ZNF7: variants seen among roughly 807,000 people sequenced by gnomAD.
ZNF7 encodes C2-H2 type zinc finger protein.
Under a neutral mutation model 12.0 loss-of-function variants are expected in ZNF7, and 10 were observed. That is an observed-to-expected ratio of 0.83 (90% CI 0.51 to 1.42). The LOEUF (loss-of-function observed/expected upper bound fraction) is 1.42. ZNF7 is among the 40% of genes most tolerant of loss of function. The pLI, the probability that ZNF7 is intolerant of heterozygous loss-of-function variation, is 0.00. For missense variants in ZNF7, 854 were observed against 837.2 expected (o/e 1.02, Z -0.25); for synonymous variants, 334 against 295.0 (o/e 1.13, Z -1.35).
chr8:144,847,353 G>C (rs1289816021), downstream of ZNF7: 1 of 152,202 alleles, frequency 6.6e-6, no homozygotes, highest in Admixed American at 6.5e-5. Flanking sequence ...GCCAAGGAAG[G>C]ATCACGTGAC....
At position 144,843,251 on chromosome 8, in the gene ZNF7, C is replaced by G. The variant is rs1039470223; in HGVS notation, c.*83C>G. 3 of 1,420,130 alleles carry G rather than the reference C, an allele frequency of 2.1e-6. No homozygotes were observed. Among genetic ancestry groups the G allele is most frequent in the African/African-American group, 1.4e-5 (1 of 69,734 alleles). The allele number at this position is 1,420,130 out of a possible 1,614,324, so 88.0% of individuals were successfully genotyped here. ...TTTTATATGGAATCGTTTATACTGA[C>G]AAACATGTAGAATGTTGGTAAAGGT... is the stretch of plus-strand genomic sequence containing the variant. On this transcript the variant is annotated 3_prime_UTR_variant, in exon 5 of 5. Transcript: ENST00000532777.
At chr8:144,832,676 C>T (rs546247942) in intron 3 of ZNF7, among the ~76,000 whole-genome samples, 2 of 151,830 alleles carry the variant, frequency 1.3e-5, no homozygotes, top group African/African-American at 2.4e-5. Context: ...TGCACTGAGC[C>T]GAGATCACAC....
chr8:144,828,514 A>G (rs1828061070), intron 1 of ZNF7, among the ~76,000 whole-genome samples: 1 of 151,996 alleles, frequency 6.6e-6, no homozygotes, highest in Non-Finnish European at 1.5e-5. Context: ...TGGTTCATCC[A>G]ACCCCATTTC....
chr8:144,843,343 A>ACTT lies in ZNF7; in HGVS notation c.*176_*178dup, dbSNP rs1403508296. ...GGTGGCTTATGCCTGTCATCCCAGC[A>ACTT]CTTTGGGAGGCCAAGGCGGGCACAT... On this transcript the variant is annotated 3_prime_UTR_variant, in exon 5 of 5. Coordinates refer to ENST00000532777, the MANE Select transcript of ZNF7 (RefSeq NM_003416.4). The ACTT allele has an allele frequency of 1.3e-6, 1 of 759,616 alleles. No homozygotes were observed. The highest frequency in any genetic ancestry group is 2.0e-6 in the Non-Finnish European group (1 of 508,056). The allele number at this position is 759,616 out of a possible 1,614,324, so 47.1% of individuals were successfully genotyped here. A position where few individuals can be genotyped will look rare whatever the true frequency, so the allele number is the denominator to read the frequency against.
chr8:144,837,169 G>C (rs1206643964), intron 3 of ZNF7: 1 of 385,752 alleles, frequency 2.6e-6, no homozygotes, highest in African/African-American at 2.0e-5. Context: ...GTGGGAGTCA[G>C]GTATCCCTTG....
intron 4 of ZNF7, chr8:144,838,259 C>G: frequency 1.6e-6 from 1 of 638,592 alleles, no homozygotes; most frequent in Non-Finnish European, 2.9e-6. Context: ...GGGTTAGGGG[C>G]CACCCCAGTG....
chr8:144,832,690 T>G (rs1835700586), intron 3 of ZNF7, among the ~76,000 whole-genome samples: 1 of 152,166 alleles, frequency 6.6e-6, no homozygotes, highest in South Asian at 2.1e-4. Context: ...ATCACACCAG[T>G]GCACTCCAGC....
intron 3 of ZNF7, 70 bp from the exon 4 acceptor site, chr8:144,837,321 G>T (rs1829126681): frequency 7.4e-7 from 1 of 1,347,762 alleles, no homozygotes; most frequent in Non-Finnish European, 1.0e-6. Context: ...TGGAAACTGG[G>T]GAAGACTTAG....
downstream of ZNF7, chr8:144,845,918 T>C: frequency 6.7e-7 from 1 of 1,495,940 alleles, no homozygotes; most frequent in Non-Finnish European, 8.9e-7. Flanking sequence ...GTAATGTGCT[T>C]AGCCAGGTGG....
downstream of ZNF7, chr8:144,845,896 G>A (rs1037604108): frequency 4.2e-5 from 58 of 1,375,858 alleles, no homozygotes; most frequent in African/African-American, 7.2e-4. Flanking sequence ...CTGCTGAGAA[G>A]GGTCTTGGCA....
chr8:144,829,027 T>C lies in ZNF7; in HGVS notation c.-45-16T>C, dbSNP rs1828125761. 7.4e-6 allele frequency: 12 copies of C among 1,612,710 alleles called. No homozygotes were observed. The South Asian group carries it at 1.3e-4, about 18-fold the overall frequency. ...TCTGGCACCTTGACCTCTAATCCTT[T>C]CATAATTGCCAACAGGTCTCTCGGC... On this transcript the variant is annotated splice_polypyrimidine_tract_variant and intron_variant, in intron 1 of 4. Coordinates refer to ENST00000532777, the MANE Select transcript of ZNF7 (RefSeq NM_003416.4).
chr8:144,837,598 C>CA, intron 4 of ZNF7, 91 bp downstream of exon 4: 1 of 894,616 alleles, frequency 1.1e-6, no homozygotes, highest in Non-Finnish European at 1.7e-6. Context: ...GGGTGAGTCG[C>CA]GGGGGCTACA....
downstream of ZNF7, chr8:144,846,602 G>A (rs569232328): frequency 1.2e-3 from 202 of 169,386 alleles, 3 homozygotes; most frequent in Admixed American, 7.8e-4. Context: ...TAAATGTCAC[G>A]GTACAACTGA....
intron 3 of ZNF7, chr8:144,830,790 A>G (rs1016488126): frequency 2.2e-4 from 76 of 353,282 alleles, no homozygotes; most frequent in African/African-American, 1.5e-3. Flanking sequence ...CCGGAGTGCA[A>G]TGGCGCGATC....
Position 144,841,727 on chromosome 8 carries a change from C to G in ZNF7, c.620C>G (p.Ala207Gly), listed in dbSNP as rs575330978. ...GAGGAGTGTGGCAAAGGCATCAGAG[C>G]CACTTCAGATATCGCTCTGCATTGG... ...RCEECGKGIR[A>G]TSDIALHWEI... Residue 207 changes from alanine (A) to glycine (G), a missense_variant, in exon 5 of 5, where the codon GCC becomes GGC. By Grantham distance (60) the Ala-to-Gly change is moderately conservative. Transcript: ENST00000532777. 5 of 1,614,076 alleles carry G rather than the reference C, an allele frequency of 3.1e-6. No homozygotes were observed. The highest frequency in any genetic ancestry group is 4.5e-5 in the East Asian group (2 of 44,880).
intron 3 of ZNF7, chr8:144,836,034 C>T (rs1828946564): frequency 6.6e-6 from 1 of 152,224 alleles, no homozygotes; most frequent in African/African-American, 2.4e-5. Context: ...ATGATCATTT[C>T]TAGTAAATGT....
chr8:144,842,860 G>A lies in ZNF7; in HGVS notation c.1753G>A (p.Glu585Lys), dbSNP rs2130723626. 6.2e-7 allele frequency: 1 copy of A among 1,614,224 alleles called. No individual in the cohort carries two copies. The highest frequency in any genetic ancestry group is 2.2e-5 in the East Asian group (1 of 44,892). ...HAGVKPYECS[E>K]CGKAFSRSSY... ...AGGGGTGAAGCCCTATGAGTGCAGT[G>A]AGTGTGGAAAAGCCTTCAGCCGGAG... Residue 585 changes from glutamate (E) to lysine (K), a missense_variant, in exon 5 of 5, where the codon GAG (glutamate) becomes AAG (lysine). Physicochemically the swap from Glu to Lys is moderately conservative, Grantham distance 56. Transcript: ENST00000532777.
intron 4 of ZNF7, among the ~76,000 whole-genome samples, chr8:144,839,723 G>A (rs1829607598): frequency 6.6e-6 from 1 of 152,214 alleles, no homozygotes; most frequent in African/African-American, 2.4e-5. Flanking sequence ...AATACATGAA[G>A]CAAGGCAGAA....
At position 144,841,963 on chromosome 8, in the gene ZNF7, G is replaced by A. The variant is rs1242597891; in HGVS notation, c.856G>A (p.Ala286Thr). 8 of 1,614,170 alleles carry A rather than the reference G, an allele frequency of 5.0e-6. No individual in the cohort carries two copies. The Admixed American group carries it at 1.3e-4, about 27-fold the overall frequency. The change falls in exon 5 of 5, where the codon GCC (alanine) becomes ACC (threonine). Residue 286 changes from alanine to threonine, a missense_variant. Ala to Thr is a moderately conservative substitution (Grantham distance 58). Transcript: ENST00000532777. Reference sequence around the variant, plus strand: ...CTTTAAATGCACTGAGTGTGGAAAAGCCTTCCGCCTGAGCTCAAAACTTAT... The same window carrying A: ...CTTTAAATGCACTGAGTGTGGAAAAACCTTCCGCCTGAGCTCAAAACTTAT... ...KPFKCTECGK[A>T]FRLSSKLIQH...
Sources: allele counts gnomAD v4.1 joint callset (sites outside exome capture counted in the v4.1 genomes callset), GRCh38; gene constraint gnomAD v4.1.1; transcripts MANE v1.5; gene names NCBI Gene and HGNC (gene_info 2026-07-23, HGNC 2026-07-21).